The following RNF13 variants were observed in gnomAD, a reference collection of about 807,000 sequenced individuals.
The protein encoded by RNF13 is E3 ubiquitin-protein ligase RNF13.
Under a neutral mutation model 37.7 loss-of-function variants are expected in RNF13, and 19 were observed. That is an observed-to-expected ratio of 0.50 (90% CI 0.35 to 0.74). The LOEUF is 0.74. RNF13 is among the 30% of genes least tolerant of loss of function. The probability of loss-of-function intolerance (pLI) is 0.01; values close to 1 mark genes in which losing one functional copy is unlikely to be tolerated. For synonymous variants in RNF13, 144 were observed against 157.8 expected (o/e 0.91, Z 0.65); for missense variants, 375 against 453.0 (o/e 0.83, Z 1.56).
At chr3:149,954,224 C>A (rs954092347) in intron 8 of RNF13, among the ~76,000 whole-genome samples, 1 of 151,690 alleles carries the variant, frequency 6.6e-6, no homozygotes, top group East Asian at 1.9e-4. Flanking sequence ...TTGGTTGTTG[C>A]AATTTTCTCC....
intron 8 of RNF13, among the ~76,000 whole-genome samples, chr3:149,949,435 T>C (rs1294356655): frequency 6.6e-6 from 1 of 151,924 alleles, no homozygotes; most frequent in Non-Finnish European, 1.5e-5. Context: ...GTTGCTTTTT[T>C]TTTTTTTTGC....
At chr3:149,884,917 C>G (rs1365962551) in intron 4 of RNF13, among the ~76,000 whole-genome samples, 1 of 151,766 alleles carries the variant, frequency 6.6e-6, no homozygotes, top group Non-Finnish European at 1.5e-5. Context: ...CTACACTACT[C>G]TCTTATCTCC....
chr3:149,945,766 C>T (rs766904992), intron 8 of RNF13, among the ~76,000 whole-genome samples: 16 of 152,194 alleles, frequency 1.1e-4, no homozygotes, highest in East Asian at 7.7e-4. Flanking sequence ...CAGCCATATT[C>T]GCTGTACTGC....
intron 8 of RNF13, among the ~76,000 whole-genome samples, chr3:149,931,870 C>T (rs148200861): frequency 4.2e-4 from 64 of 152,272 alleles, no homozygotes; most frequent in African/African-American, 1.4e-3. Context: ...ATCTGGTAAC[C>T]ACCAGTTTGC....
chr3:149,879,173 T>C (rs2903476), intron 4 of RNF13, among the ~76,000 whole-genome samples: 137,249 of 152,230 alleles, frequency 0.9, 61,966 homozygotes, highest in African/African-American at 0.94. Flanking sequence ...TAAAAGTATC[T>C]ATAATGTGTA....
At chr3:149,818,787 T>C (rs1576705942) in intron 1 of RNF13, among the ~76,000 whole-genome samples, 1 of 152,262 alleles carries the variant, frequency 6.6e-6, no homozygotes, top group South Asian at 2.1e-4. Flanking sequence ...GGCGTGCTCA[T>C]GTAATCCCAG....
rs1198306393 is a variant in RNF13, at chr3:149,829,441, T to G, written c.-17+16088T>G. On this transcript the variant is annotated intron_variant, in intron 1 of 9. Transcript: ENST00000392894. ...TCTTAATCTATTAAAAGTAAAAAAT[T>G]GATCATTTTGTTTCATTTGTTGAAA... is the stretch of plus-strand genomic sequence containing the variant. Among the ~76,000 whole-genome samples the G allele has an allele frequency of 3.9e-5, 6 of 152,302 alleles. No individual in the cohort carries two copies. In the East Asian group the frequency reaches 1.2e-3, roughly 29 times the overall value.
chr3:149,921,098 A>C, intron 7 of RNF13, 36 bp from the exon 8 acceptor site: 1 of 840,756 alleles, frequency 1.2e-6, no homozygotes, highest in Non-Finnish European at 1.7e-6. Context: ...TTGCACATTT[A>C]ATATCTGACT....
chr3:149,867,888 C>T (rs7644454), intron 3 of RNF13, among the ~76,000 whole-genome samples: 103,298 of 151,394 alleles, frequency 0.68, 36,417 homozygotes, highest in East Asian at 0.88. Flanking sequence ...GTTATTTTCT[C>T]TGATAGTACT....
At chr3:149,896,377 A>T (rs947165829) in intron 5 of RNF13, among the ~76,000 whole-genome samples, 1 of 152,220 alleles carries the variant, frequency 6.6e-6, no homozygotes, top group African/African-American at 2.4e-5. Flanking sequence ...TAGGAGTTTA[A>T]ATAACTGCAT....
At chr3:149,859,510 G>C (rs1442384793) in intron 3 of RNF13, among the ~76,000 whole-genome samples, 2 of 151,894 alleles carry the variant, frequency 1.3e-5, no homozygotes, top group African/African-American at 4.9e-5. Flanking sequence ...CACACACACA[G>C]AGGAAGTCAA....
intron 8 of RNF13, among the ~76,000 whole-genome samples, chr3:149,923,077 C>G (rs893398420): frequency 1.3e-5 from 2 of 151,664 alleles, no homozygotes; most frequent in African/African-American, 4.9e-5. Flanking sequence ...TATAAACCTG[C>G]CATTTACCAT....
intron 1 of RNF13, among the ~76,000 whole-genome samples, chr3:149,837,771 C>T (rs1721773069): frequency 6.6e-6 from 1 of 152,142 alleles, no homozygotes; most frequent in South Asian, 2.1e-4. Flanking sequence ...TCATTCTGCC[C>T]TGGCCCCTCC....
At chr3:149,825,014 T>C (rs185000312) in intron 1 of RNF13, among the ~76,000 whole-genome samples, 4 of 151,346 alleles carry the variant, frequency 2.6e-5, no homozygotes, top group Non-Finnish European at 4.4e-5. Flanking sequence ...CAGGCTGGAG[T>C]GCACTGGCGA....
chr3:149,951,137 G>A (rs978702115), intron 8 of RNF13, among the ~76,000 whole-genome samples: 1 of 152,142 alleles, frequency 6.6e-6, no homozygotes, highest in Non-Finnish European at 1.5e-5. Flanking sequence ...TTAACTCTCA[G>A]ACTTGTCCAC....
At chr3:149,842,861 G>A (rs1436223576) in intron 1 of RNF13, among the ~76,000 whole-genome samples, 1 of 152,140 alleles carries the variant, frequency 6.6e-6, no homozygotes, top group African/African-American at 2.4e-5. Context: ...AGGGAGGGAC[G>A]CTCCACAGTA....
rs78865259 is a variant in RNF13, at chr3:149,956,844, G to T, written c.701-3212G>T. ...CTCAGCACTACTGACATTTAGATGG[G>T]GTACTTTGGTTTAGGGGGCTGTTCA... On this transcript the variant is annotated intron_variant, in intron 8 of 9. Transcript: ENST00000392894. Among the ~76,000 whole-genome samples the T allele has an allele frequency of 3.3e-3, 501 of 152,152 alleles. 29 individuals carry two copies. In the East Asian group the frequency reaches 0.092, roughly 28 times the overall value.
chr3:149,823,365 A>G (rs1720180301), intron 1 of RNF13, among the ~76,000 whole-genome samples: 1 of 152,154 alleles, frequency 6.6e-6, no homozygotes, highest in Non-Finnish European at 1.5e-5. Flanking sequence ...TTTGTCATTT[A>G]TAATTTCACC....
chr3:149,833,575 A>G (rs749956088), intron 1 of RNF13, among the ~76,000 whole-genome samples: 1 of 152,222 alleles, frequency 6.6e-6, no homozygotes, highest in Non-Finnish European at 1.5e-5. Flanking sequence ...ACACTCTTTC[A>G]TGATAAAACA....
Sources: gnomAD v4.1 joint callset for allele counts (sites outside exome capture counted in the v4.1 genomes callset) on GRCh38, gnomAD v4.1.1 for gene constraint, MANE v1.5 for transcripts, NCBI Gene and HGNC (gene_info 2026-07-23, HGNC 2026-07-21) for gene names.